Variants in KAZN observed in about 807,000 individuals in gnomAD.
The protein encoded by KAZN is kazrin, periplakin interacting protein, also known as kazrin.
KAZN carries 40 observed loss-of-function variants against 87.4 expected under a neutral mutation model. That is an observed-to-expected ratio of 0.46 (90% CI 0.36 to 0.60). The LOEUF is 0.60. Ranked by LOEUF, KAZN falls within the 20% of genes least tolerant of loss-of-function variation. The pLI, the probability that KAZN is intolerant of heterozygous loss-of-function variation, is 0.00. For synonymous variants in KAZN, 466 were observed against 458.3 expected, an observed-to-expected ratio of 1.02 and a Z score of -0.22; for missense variants, 898 against 1,073.9, an observed-to-expected ratio of 0.84 and a Z score of 2.29.
chr1:14,873,006 G>GGATA (rs1652333103), intron 1 of KAZN, among the ~76,000 whole-genome samples: 1 of 150,470 alleles, frequency 6.6e-6, no homozygotes, highest in Non-Finnish European at 1.5e-5. Flanking sequence ...ATACATGGAT[G>GGATA]GATGGATGGA....
chr1:14,752,821 T>C (rs1644449572), intron 1 of KAZN, among the ~76,000 whole-genome samples: 1 of 152,154 alleles, frequency 6.6e-6, no homozygotes, highest in Non-Finnish European at 1.5e-5. Flanking sequence ...CCATCCTTTT[T>C]CCACCACCAC....
intron 2 of KAZN, among the ~76,000 whole-genome samples, chr1:14,419,907 G>A (rs1331216847): frequency 6.6e-6 from 1 of 152,172 alleles, no homozygotes; most frequent in African/African-American, 2.4e-5. Flanking sequence ...GAGCAACAAT[G>A]GGATTTATTG....
intron 1 of KAZN, among the ~76,000 whole-genome samples, chr1:14,837,397 C>G (rs1162809497): frequency 6.6e-6 from 1 of 152,092 alleles, no homozygotes; most frequent in Admixed American, 6.5e-5. Context: ...CGGGGTTTCT[C>G]CATGTGGGTC....
At chr1:13,991,870 A>G (rs1400250757) in intron 1 of KAZN, among the ~76,000 whole-genome samples, 3 of 152,090 alleles carry the variant, frequency 2.0e-5, no homozygotes, top group Non-Finnish European at 4.4e-5. Flanking sequence ...ACCTTGAACT[A>G]TAGATACAGA....
chr1:14,402,091 A>G (rs1015617462), intron 2 of KAZN, among the ~76,000 whole-genome samples: 14 of 2,072 alleles, frequency 6.8e-3, no homozygotes, highest in African/African-American at 0.05. Flanking sequence ...GTCTATGTAA[A>G]AAAAAAAAAG....
intron 1 of KAZN, among the ~76,000 whole-genome samples, chr1:14,951,036 A>G (rs1192932629): frequency 1.3e-5 from 2 of 152,196 alleles, no homozygotes; most frequent in African/African-American, 4.8e-5. Flanking sequence ...GACATCCCCT[A>G]GGGTTTTTAA....
intron 1 of KAZN, among the ~76,000 whole-genome samples, chr1:14,739,027 A>G (rs183626181): frequency 6.6e-6 from 1 of 152,198 alleles, no homozygotes; most frequent in East Asian, 1.9e-4. Context: ...AAAAATAAAA[A>G]TTAGTTGGGC....
rs981258003 is a variant in KAZN, at chr1:15,115,094, G to C, written c.*459G>C. On this transcript the variant is annotated 3_prime_UTR_variant, in exon 15 of 15. Coordinates refer to ENST00000376030, the MANE Select transcript of KAZN (RefSeq NM_201628.3). The surrounding 1 kb of genome is among the most constrained non-coding windows in gnomAD (Gnocchi z 4.1). Reference sequence around the variant, plus strand: ...CAGTGCATTGGCAGAGCCGGGTGCAGGAAGTGCTGCCTCTTGCCGAGACGT... The same window carrying C: ...CAGTGCATTGGCAGAGCCGGGTGCACGAAGTGCTGCCTCTTGCCGAGACGT... 1.3e-5 allele frequency: 2 copies of C among 154,058 alleles called. No homozygotes were observed. Among genetic ancestry groups the C allele is most frequent in the Admixed American group, 6.5e-5 (1 of 15,480 alleles). The allele number at this position is 154,058 out of a possible 1,614,324, so 9.5% of individuals were successfully genotyped here.
chr1:14,792,572 A>G (rs1373933934), intron 1 of KAZN, among the ~76,000 whole-genome samples: 1 of 152,130 alleles, frequency 6.6e-6, no homozygotes, highest in African/African-American at 2.4e-5. Flanking sequence ...GACTAGCATC[A>G]TGAGGAAACA....
intron 8 of KAZN, among the ~76,000 whole-genome samples, chr1:15,068,334 T>A (rs1332260016): frequency 6.6e-6 from 1 of 151,450 alleles, no homozygotes; most frequent in Non-Finnish European, 1.5e-5. Flanking sequence ...CGAGCCGGGG[T>A]AGCCTCCCAG....
intron 1 of KAZN, among the ~76,000 whole-genome samples, chr1:13,978,185 G>A (rs1438531030): frequency 2.0e-5 from 3 of 150,738 alleles, no homozygotes; most frequent in Non-Finnish European, 4.4e-5. Flanking sequence ...GCATATGTGC[G>A]GCGCAAGACT....
chr1:14,666,681 C>T (rs545848743), intron 1 of KAZN, among the ~76,000 whole-genome samples: 1 of 152,268 alleles, frequency 6.6e-6, no homozygotes, highest in African/African-American at 2.4e-5. Context: ...GTAGCAACGT[C>T]ACTCCAGTCC....
At chr1:14,480,626 T>G (rs1433646191) in intron 2 of KAZN, among the ~76,000 whole-genome samples, 5 of 117,588 alleles carry the variant, frequency 4.3e-5, no homozygotes, top group Non-Finnish European at 7.1e-5. Flanking sequence ...TAAAAATATA[T>G]GTATATATTA....
intron 2 of KAZN, among the ~76,000 whole-genome samples, chr1:14,291,643 G>A (rs1170173145): frequency 1.3e-5 from 2 of 152,050 alleles, no homozygotes; most frequent in Non-Finnish European, 2.9e-5. Flanking sequence ...GCACTTCCTG[G>A]GTAAGGTGAT....
intron 3 of KAZN, among the ~76,000 whole-genome samples, chr1:15,040,019 G>C (rs72868370): frequency 6.6e-6 from 1 of 152,152 alleles, no homozygotes; most frequent in African/African-American, 2.4e-5. Context: ...GGAGAGAGTC[G>C]CGCCTGTAGA....
rs918844183 is a variant in KAZN at position 15,094,452 on chromosome 1, C to A, written c.1428+67C>A. Reference sequence around the variant, plus strand: ...TCTGTGAGCTTTACGTACCCAGAAGCTGGCCTGCCCCCCACTCCTACCCTG... The same window carrying A: ...TCTGTGAGCTTTACGTACCCAGAAGATGGCCTGCCCCCCACTCCTACCCTG... On this transcript the variant is annotated intron_variant, in intron 9 of 14. Coordinates refer to ENST00000376030, the MANE Select transcript of KAZN (RefSeq NM_201628.3). This position sits in a 1 kb window ranked among gnomAD's most constrained non-coding sequence, Gnocchi z 4.5. The A allele has an allele frequency of 7.0e-7, 1 of 1,430,810 alleles. No individual in the cohort carries two copies. Among genetic ancestry groups the A allele is most frequent in the Non-Finnish European group, 9.6e-7 (1 of 1,045,430 alleles). The allele number at this position is 1,430,810 out of a possible 1,614,324, so 88.6% of individuals were successfully genotyped here.
chr1:14,716,635 C>G (rs1260306808), intron 1 of KAZN, among the ~76,000 whole-genome samples: 2 of 152,108 alleles, frequency 1.3e-5, no homozygotes, highest in Non-Finnish European at 2.9e-5. Context: ...CATCAAAGCC[C>G]ACTGCTCAGC....
chr1:14,289,251 G>A (rs1023900374), intron 2 of KAZN, among the ~76,000 whole-genome samples: 1 of 152,104 alleles, frequency 6.6e-6, no homozygotes, highest in Non-Finnish European at 1.5e-5. Context: ...ACCTTCTGTT[G>A]CATTGATCTG....
chr1:14,039,519 G>A (rs1179481700), intron 1 of KAZN, among the ~76,000 whole-genome samples: 3 of 152,238 alleles, frequency 2.0e-5, no homozygotes, highest in Non-Finnish European at 4.4e-5. Context: ...TGGGCTTTGA[G>A]TGACAGCTGA....
Sources: allele counts gnomAD v4.1 joint callset (sites outside exome capture counted in the v4.1 genomes callset), GRCh38; gene constraint gnomAD v4.1.1; non-coding constraint Gnocchi (gnomAD v3.1); transcripts MANE v1.5; gene names NCBI Gene and HGNC (gene_info 2026-07-23, HGNC 2026-07-21).